ZNF490: variants seen among roughly 807,000 people sequenced by gnomAD.
ZNF490 encodes the protein zinc finger protein 490.
In ZNF490, 11 loss-of-function variants were observed where a neutral mutation model predicts 17.7. That is an observed-to-expected ratio of 0.62 (90% CI 0.39 to 1.03). ZNF490 has a LOEUF of 1.03. Ranked by LOEUF, ZNF490 falls within the 50% of genes least tolerant of loss-of-function variation. The pLI is 0.00. For synonymous variants in ZNF490, 222 were observed against 216.1 expected (o/e 1.03, Z -0.24); for missense variants, 542 against 643.4 (o/e 0.84, Z 1.71).
rs149742929 is a variant in ZNF490, at chr19:12,576,813, CAAA to C, written c.*3669_*3671del. On this transcript the variant is annotated 3_prime_UTR_variant, in exon 5 of 5. Coordinates refer to ENST00000311437, the MANE Select transcript of ZNF490 (RefSeq NM_020714.3). ...GCCTGGCAACAGTGAGAATCCATCT[CAAA>C]AAAAAAAAAAAAAAAAAAAACCTAA... is the stretch of plus-strand genomic sequence containing the variant. Among the ~76,000 whole-genome samples, 17 of 37,552 alleles carry C rather than the reference CAAA, an allele frequency of 4.5e-4. No individual in the cohort carries two copies. Among genetic ancestry groups the C allele is most frequent in the African/African-American group, 1.5e-3 (15 of 9,700 alleles). The allele number at this position is 37,552 out of a possible 152,430, so 24.6% of individuals were successfully genotyped here. A position where few individuals can be genotyped will look rare whatever the true frequency, so the allele number is the denominator to read the frequency against.
rs1429907505 is a variant in ZNF490, at chr19:12,584,500, A to G, written c.163-944T>C. On this transcript the variant is annotated intron_variant, in intron 2 of 4. Transcript: ENST00000311437. ...ACAGACCCAAGACCATCTTGGATAT[A>G]TGAGAGAAATGCTGTACAAATGAAA... Among the ~76,000 whole-genome samples the G allele has an allele frequency of 2.1e-5, 2 of 94,368 alleles. 1 individual carries two copies. Among genetic ancestry groups the G allele is most frequent in the Non-Finnish European group, 5.7e-5 (2 of 35,042 alleles). 61.9% of individuals were successfully genotyped at this position (94,368 alleles called of 152,430 possible). A position where few individuals can be genotyped will look rare whatever the true frequency, so the allele number is the denominator to read the frequency against.
At chr19:12,596,264 C>CAAAAAAAAAAAAAAAAAAAAAAAAAA (rs74180082) in intron 2 of ZNF490, among the ~76,000 whole-genome samples, 1 of 93,212 alleles carries the variant, frequency 1.1e-5, no homozygotes, top group Non-Finnish European at 2.1e-5. Flanking sequence ...GACTCCGTCT[C>CAAAAAAAAAAAAAAAAAAAAAAAAAA]AAAAAAAAAA....
chr19:12,592,545 CT>C, intron 2 of ZNF490, among the ~76,000 whole-genome samples: 1 of 152,146 alleles, frequency 6.6e-6, no homozygotes, highest in East Asian at 1.9e-4. Context: ...AGGCTTTTGA[CT>C]GTCAAGAATT....
At chr19:12,599,152 A>G (rs1376674403) in intron 2 of ZNF490, among the ~76,000 whole-genome samples, 1 of 146,158 alleles carries the variant, frequency 6.8e-6, no homozygotes, top group African/African-American at 2.4e-5. Flanking sequence ...AAAAAAAAAA[A>G]AAAAAAAAAA....
intron 2 of ZNF490, among the ~76,000 whole-genome samples, chr19:12,601,314 G>A (rs1453677929): frequency 6.6e-6 from 1 of 151,902 alleles, no homozygotes; most frequent in Non-Finnish European, 1.5e-5. Context: ...TGTGAACCCG[G>A]GAGGCGAAGG....
chr19:12,583,862 GT>G lies in ZNF490; in HGVS notation c.163-307del, dbSNP rs531510406. On this transcript the variant is annotated intron_variant, in intron 2 of 4. Coordinates refer to ENST00000311437, the MANE Select transcript of ZNF490 (RefSeq NM_020714.3). Reference sequence around the variant, plus strand: ...TTCTTGCTCTGTCGCCCAGGCTGGAGTGCAGTGGCACAATGTCGGCTCACTG... The same window carrying G: ...TTCTTGCTCTGTCGCCCAGGCTGGAGGCAGTGGCACAATGTCGGCTCACTG... Among the ~76,000 whole-genome samples, 16 of 141,550 alleles carry G rather than the reference GT, an allele frequency of 1.1e-4. No individual in the cohort carries two copies. The South Asian group carries it at 3.3e-3, about 29-fold the overall frequency. 92.9% of individuals were successfully genotyped at this position (141,550 alleles called of 152,430 possible).
rs956600153 is a variant in ZNF490, at chr19:12,577,766, C to T, written c.*2719G>A. The T allele has an allele frequency of 7.1e-6, 7 of 985,366 alleles. No individual in the cohort carries two copies. The highest frequency in any genetic ancestry group is 6.2e-5 in the Admixed American group (1 of 16,258). 61.0% of individuals were successfully genotyped at this position (985,366 alleles called of 1,614,324 possible). A position where few individuals can be genotyped will look rare whatever the true frequency, so the allele number is the denominator to read the frequency against. ...GCCTAAAGAGTTCCGACCCGAGCGA[C>T]ACAAAGATCACTTCTGGGACCCACC... On this transcript the variant is annotated 3_prime_UTR_variant, in exon 5 of 5. Coordinates refer to ENST00000311437, the MANE Select transcript of ZNF490 (RefSeq NM_020714.3).
intron 1 of ZNF490, 88 bp downstream of exon 1, chr19:12,610,476 A>G: frequency 9.2e-7 from 1 of 1,083,290 alleles, no homozygotes. Flanking sequence ...CACACTTTTT[A>G]TTACACATGA....
At chr19:12,583,758 TCTC>T (rs2022772490) in intron 2 of ZNF490, among the ~76,000 whole-genome samples, 2 of 14,062 alleles carry the variant, frequency 1.4e-4, no homozygotes, top group African/African-American at 5.6e-4. Flanking sequence ...ATTATTGCGC[TCTC>T]TCTCTCTCTC....
intron 2 of ZNF490, among the ~76,000 whole-genome samples, chr19:12,588,456 G>C (rs1209007341): frequency 6.6e-6 from 1 of 152,162 alleles, no homozygotes; most frequent in East Asian, 1.9e-4. Context: ...CATAACCACA[G>C]AGTGGCAAAA....
At chr19:12,603,800 A>G (rs2023035256) in intron 2 of ZNF490, among the ~76,000 whole-genome samples, 1 of 151,756 alleles carries the variant, frequency 6.6e-6, no homozygotes, top group Admixed American at 6.6e-5. Context: ...AAAAAAAAAA[A>G]AAATGGCCTT....
At chr19:12,583,809 A>G (rs868039869) in intron 2 of ZNF490, among the ~76,000 whole-genome samples, 4 of 105,136 alleles carry the variant, frequency 3.8e-5, no homozygotes, top group African/African-American at 1.6e-4. Flanking sequence ...ATATATATAT[A>G]TATTTTTTTT....
At chr19:12,583,620 T>C in intron 2 of ZNF490, 64 bp from the exon 3 acceptor site, 1 of 1,456,316 alleles carries the variant, frequency 6.9e-7, no homozygotes, top group Admixed American at 2.1e-5. Flanking sequence ...GGATCCATTC[T>C]CAGAATTCCT....
In ZNF490 at chr19:12,584,445, C is replaced by G. The variant is rs569165842; in HGVS notation, c.163-889G>C. Among the ~76,000 whole-genome samples, 18 of 94,500 alleles carry G rather than the reference C, an allele frequency of 1.9e-4. 5 individuals are homozygous for G. 62.0% of individuals were successfully genotyped at this position (94,500 alleles called of 152,430 possible). ...TGCTGGGATTACAGGCGTGAGCCAC[C>G]GCGCCCGGCCACCTTATTGCTCTTT... On this transcript the variant is annotated intron_variant, in intron 2 of 4. Coordinates refer to ENST00000311437, the MANE Select transcript of ZNF490 (RefSeq NM_020714.3).
At chr19:12,593,555 T>C (rs2022897025) in intron 2 of ZNF490, among the ~76,000 whole-genome samples, 1 of 152,116 alleles carries the variant, frequency 6.6e-6, no homozygotes, top group Non-Finnish European at 1.5e-5. Flanking sequence ...CAGCCTAATA[T>C]TCCCAGAGTT....
At position 12,576,576 on chromosome 19, in the gene ZNF490, G is replaced by T; in HGVS notation, c.*3909C>A. Reference sequence around the variant, plus strand: ...ACGCCTGTAATCCCAGCACTTTGGGGAGACCGAGGTGGGTGGATCACAAGG... The same window carrying T: ...ACGCCTGTAATCCCAGCACTTTGGGTAGACCGAGGTGGGTGGATCACAAGG... On this transcript the variant is annotated 3_prime_UTR_variant, in exon 5 of 5. Coordinates refer to ENST00000311437, the MANE Select transcript of ZNF490 (RefSeq NM_020714.3). 6.6e-6 allele frequency among the ~76,000 whole-genome samples: 1 copy of T among 151,670 alleles called. No homozygotes were observed. Among genetic ancestry groups the T allele is most frequent in the South Asian group, 2.1e-4 (1 of 4,810 alleles).
At chr19:12,589,898 GTATGTATGTATGTATT>G (rs1477317078) in intron 2 of ZNF490, among the ~76,000 whole-genome samples, 2,365 of 118,192 alleles carry the variant, frequency 0.02, 24 homozygotes, top group Non-Finnish European at 0.031. Context: ...ATGTATGTAT[GTATGTATGTATGTATT>G]TATTTATTTA....
At position 12,576,350 on chromosome 19, in the gene ZNF490, A is replaced by G. The variant is rs2022634021; in HGVS notation, c.*4135T>C. 6.6e-6 allele frequency among the ~76,000 whole-genome samples: 1 copy of G among 151,948 alleles called. No homozygotes were observed. ...GTGAAACCCCGTCTCTACTAAAAAT[A>G]AAAAAACTAGCTCGGTATGGTGGCA... On this transcript the variant is annotated 3_prime_UTR_variant, in exon 5 of 5. Coordinates refer to ENST00000311437, the MANE Select transcript of ZNF490 (RefSeq NM_020714.3).
intron 2 of ZNF490, among the ~76,000 whole-genome samples, chr19:12,593,882 C>T (rs2145153182): frequency 6.6e-6 from 1 of 152,282 alleles, no homozygotes; most frequent in African/African-American, 2.4e-5. Context: ...CCTCCCACCC[C>T]AACTCCTGCA....
Sources: gnomAD v4.1 joint callset for allele counts (sites outside exome capture counted in the v4.1 genomes callset) on GRCh38, gnomAD v4.1.1 for gene constraint, MANE v1.5 for transcripts, NCBI Gene and HGNC (gene_info 2026-07-23, HGNC 2026-07-21) for gene names.